Variants in VSIR observed in about 807,000 individuals in gnomAD.
The protein encoded by VSIR is V-set immunoregulatory receptor, also known as V-type immunoglobulin domain-containing suppressor of T-cell activation.
VSIR carries 10 observed loss-of-function variants against 31.0 expected under a neutral mutation model. The observed-to-expected ratio is 0.32, with a 90% CI of 0.20 to 0.55. The LOEUF is 0.55. VSIR is among the 20% of genes least tolerant of loss of function. The pLI, the probability that VSIR is intolerant of heterozygous loss-of-function variation, is 0.93. For synonymous variants in VSIR, 179 were observed against 180.1 expected (o/e 0.99, Z 0.05); for missense variants, 356 against 416.2 (o/e 0.86, Z 1.26).
At chr10:71,764,114 T>C (rs557169487) in intron 1 of VSIR, among the ~76,000 whole-genome samples, 1 of 152,126 alleles carries the variant, frequency 6.6e-6, no homozygotes, top group Non-Finnish European at 1.5e-5. Context: ...GGGAAAGTGG[T>C]TGGACTGAAG....
Position 71,759,415 on chromosome 10 carries a change from G to A in VSIR, c.568+1453C>T, listed in dbSNP as rs116878224. 4.6e-5 allele frequency among the ~76,000 whole-genome samples: 7 copies of A among 152,130 alleles called. No homozygotes were observed. In the East Asian group the frequency reaches 1.4e-3, roughly 29 times the overall value. ...CCAGCTACTTGGGAGAATGAAGCAG[G>A]AAGATCACTTGCATCTGGAAGTTTG... On this transcript the variant is annotated intron_variant, in intron 3 of 6. Coordinates refer to ENST00000394957, the MANE Select transcript of VSIR (RefSeq NM_022153.2).
intron 1 of VSIR, among the ~76,000 whole-genome samples, chr10:71,766,581 C>G (rs1380463956): frequency 6.6e-6 from 1 of 152,220 alleles, no homozygotes; most frequent in Non-Finnish European, 1.5e-5. Flanking sequence ...GGGCTGCCAG[C>G]TCTAAAATCC....
At position 71,760,988 on chromosome 10, in the gene VSIR, C is replaced by A. The variant is rs1840367557; in HGVS notation, c.512-64G>T. The A allele has an allele frequency of 3.3e-6, 5 of 1,527,052 alleles. No homozygotes were observed. In the South Asian group the frequency reaches 5.6e-5, roughly 17 times the overall value. The allele number at this position is 1,527,052 out of a possible 1,614,324, so 94.6% of individuals were successfully genotyped here. On this transcript the variant is annotated intron_variant, in intron 2 of 6. Transcript: ENST00000394957. ...GGCCCAGGAGGCCAGGGAGGCTTGT[C>A]CAGGCCAGTGTCCCCCTCCTGCCCC...
At chr10:71,753,701 C>A (rs1840063323) in intron 4 of VSIR, 1 of 452,802 alleles carries the variant, frequency 2.2e-6, no homozygotes. Context: ...CTCTTTCATG[C>A]AGCACCCCAT....
chr10:71,753,086 G>T, intron 4 of VSIR, 84 bp from the exon 5 acceptor site: 1 of 1,526,772 alleles, frequency 6.5e-7, no homozygotes, highest in Non-Finnish European at 8.9e-7. Context: ...CAGATGCCCT[G>T]CAGGGAACAG....
chr10:71,769,911 C>T (rs1332130803), intron 1 of VSIR, among the ~76,000 whole-genome samples: 4 of 152,230 alleles, frequency 2.6e-5, no homozygotes, highest in Non-Finnish European at 4.4e-5. Context: ...CCAAGATAAG[C>T]AAACCCAGGG....
In VSIR at chr10:71,760,879, T is replaced by C; in HGVS notation, c.557A>G (p.Gln186Arg). The change falls in exon 3 of 7, where the codon CAG becomes CGG. Residue 186 changes from glutamine to arginine, a missense_variant. Physicochemically the swap from Gln to Arg is conservative, Grantham distance 43. This residue lies in a region of VSIR where 190 missense variants were observed against 185.2 expected (regional missense o/e 1.03). Transcript: ENST00000394957. ...GGTTGGTCCCTTACTTTCACTATCC[T>C]GGGAGGAGGATGGGTACACCACACA... ...SNCVVYPSSSQDSENITAAAL... is the reference protein window; with the variant it reads ...SNCVVYPSSSRDSENITAAAL... 6.2e-7 allele frequency: 1 copy of C among 1,613,688 alleles called. No homozygotes were observed. The highest frequency in any genetic ancestry group is 8.5e-7 in the Non-Finnish European group (1 of 1,179,624).
At chr10:71,754,774 G>A (rs1404392336) in intron 4 of VSIR, among the ~76,000 whole-genome samples, 1 of 152,156 alleles carries the variant, frequency 6.6e-6, no homozygotes, top group East Asian at 1.9e-4. Context: ...TTATTATATG[G>A]TGGACTTCTA....
At chr10:71,766,389 G>C (rs1384545196) in intron 1 of VSIR, among the ~76,000 whole-genome samples, 1 of 152,190 alleles carries the variant, frequency 6.6e-6, no homozygotes, top group Non-Finnish European at 1.5e-5. Flanking sequence ...CACCAGGTAA[G>C]GAGGCAGGGC....
Position 71,748,974 on chromosome 10 carries a change from A to G in VSIR, c.*2279T>C, listed in dbSNP as rs1267263854. ...TGCGTTCAGTTGTAAAAGGGTCCAG[A>G]GAAGAGAGGGCAGGGCCGCACCAGA... On this transcript the variant is annotated 3_prime_UTR_variant, in exon 7 of 7. Coordinates refer to ENST00000394957, the MANE Select transcript of VSIR (RefSeq NM_022153.2). The G allele has an allele frequency of 6.5e-6, 1 of 152,692 alleles. No individual in the cohort carries two copies. Among genetic ancestry groups the G allele is most frequent in the Non-Finnish European group, 1.5e-5 (1 of 68,138 alleles). The allele number at this position is 152,692 out of a possible 1,614,324, so 9.5% of individuals were successfully genotyped here. A position where few individuals can be genotyped will look rare whatever the true frequency, so the allele number is the denominator to read the frequency against.
chr10:71,751,969 C>A lies in VSIR; in HGVS notation c.705-108G>T. The A allele has an allele frequency of 8.4e-7, 1 of 1,194,294 alleles. No homozygotes were observed. 74.0% of individuals were successfully genotyped at this position (1,194,294 alleles called of 1,614,324 possible). On this transcript the variant is annotated intron_variant, in intron 5 of 6. Transcript: ENST00000394957. This position sits in a 1 kb window ranked among gnomAD's most constrained non-coding sequence, Gnocchi z 4.9. ...CCCTTTCTCTCACCTACATCCCCAT[C>A]CCCAAGCCTCAGCAGCATCTCCAAG...
chr10:71,773,000 C>A (rs954752863), intron 1 of VSIR, among the ~76,000 whole-genome samples: 6 of 152,228 alleles, frequency 3.9e-5, no homozygotes, highest in Non-Finnish European at 8.8e-5. Flanking sequence ...CCAGTGATAT[C>A]CACCAGAACA....
chr10:71,773,259 G>A, intron 1 of VSIR, 99 bp downstream of exon 1: 1 of 1,358,276 alleles, frequency 7.4e-7, no homozygotes, highest in South Asian at 1.3e-5. Flanking sequence ...GGTCACACAG[G>A]CTGAGAGGGC....
chr10:71,752,123 C>A, intron 5 of VSIR: 3 of 630,584 alleles, frequency 4.8e-6, no homozygotes, highest in Non-Finnish European at 8.6e-6. Flanking sequence ...CCATCAACCC[C>A]GGGCACAGCC....
intron 1 of VSIR, among the ~76,000 whole-genome samples, chr10:71,770,026 C>A (rs1322394138): frequency 6.6e-6 from 1 of 152,214 alleles, no homozygotes; most frequent in Non-Finnish European, 1.5e-5. Context: ...CCTACAGGGG[C>A]TCACAGGTAG....
intron 5 of VSIR, chr10:71,752,094 G>T: frequency 1.5e-6 from 1 of 681,316 alleles, no homozygotes; most frequent in Non-Finnish European, 2.7e-6. Context: ...ACAGACCCCA[G>T]CTCCTCCCTG....
intron 1 of VSIR, 52 bp from the exon 2 acceptor site, chr10:71,762,078 G>A (rs796767367): frequency 6.6e-7 from 1 of 1,525,492 alleles, no homozygotes. Flanking sequence ...TGCTACTCCT[G>A]GCAACCCCAG....
chr10:71,760,172 T>TATATGTGTGTATATATATGTATATAC lies in VSIR; in HGVS notation c.568+670_568+695dup. Among the ~76,000 whole-genome samples, 2 of 18,610 alleles carry TATATGTGTGTATATATATGTATATAC rather than the reference T, an allele frequency of 1.1e-4. 1 individual carries two copies. Among genetic ancestry groups the TATATGTGTGTATATATATGTATATAC allele is most frequent in the Non-Finnish European group, 2.3e-4 (2 of 8,764 alleles). The allele number at this position is 18,610 out of a possible 152,430, so 12.2% of individuals were successfully genotyped here. ...GTGTGTATATATATGTATATACATATATATGTGTGTATATATATGTATATA... is the reference window on the plus strand; with the variant it reads ...GTGTGTATATATATGTATATACATATATATGTGTGTATATATATGTATATACATATGTGTGTATATATATGTATATA... On this transcript the variant is annotated intron_variant, in intron 3 of 6. Coordinates refer to ENST00000394957, the MANE Select transcript of VSIR (RefSeq NM_022153.2).
chr10:71,751,758 G>A lies in VSIR; in HGVS notation c.808C>T (p.Gln270Ter). 1 of 1,603,402 alleles carries A rather than the reference G, an allele frequency of 6.2e-7. No homozygotes were observed. The highest frequency in any genetic ancestry group is 8.5e-7 in the Non-Finnish European group (1 of 1,174,568). ...RHPLSYVAQR[Q>*]PSESGRHLLS... ...AGATGCCGCCCAGACTCAGAAGGCT[G>A]CCGCTGGGCCACATAGGACAGGGGG... Residue 270 changes from glutamine (Q) to a stop codon, truncating the protein, a stop_gained, in exon 6 of 7, where the codon CAG becomes TAG. Transcript: ENST00000394957. LOFTEE classifies it high-confidence loss of function. This position sits in a 1 kb window ranked among gnomAD's most constrained non-coding sequence, Gnocchi z 4.9.
Sources: gnomAD v4.1 joint callset for allele counts (sites outside exome capture counted in the v4.1 genomes callset) on GRCh38, gnomAD v4.1.1 for gene constraint, gnomAD v4.1.1 regional missense constraint, Gnocchi (gnomAD v3.1) non-coding constraint, MANE v1.5 for transcripts, NCBI Gene and HGNC (gene_info 2026-07-23, HGNC 2026-07-21) for gene names.